Variants in NPSR1 observed in about 807,000 individuals in gnomAD.
NPSR1 encodes the protein neuropeptide S receptor.
In NPSR1, 48 loss-of-function variants were observed where a neutral mutation model predicts 46.9. The observed-to-expected ratio is 1.02, with a 90% CI of 0.81 to 1.30. NPSR1 has a LOEUF of 1.30. NPSR1 is among the 50% of genes most tolerant of loss of function. NPSR1 has a pLI of 0.00. For synonymous variants in NPSR1, 176 were observed against 168.1 expected (o/e 1.05, Z -0.36); for missense variants, 450 against 449.5 (o/e 1.00, Z -0.01).
intron 2 of NPSR1, among the ~76,000 whole-genome samples, chr7:34,723,130 T>C (rs1783950903): frequency 6.6e-6 from 1 of 152,276 alleles, no homozygotes; most frequent in East Asian, 1.9e-4. Context: ...CCCAAGATAA[T>C]GCTGCTCAGT....
At chr7:34,790,724 T>TTATATGTTCTATGTTATATATAA (rs1787714275) in intron 3 of NPSR1, among the ~76,000 whole-genome samples, 11 of 112,818 alleles carry the variant, frequency 9.8e-5, no homozygotes, top group South Asian at 2.6e-4. Flanking sequence ...ATAATATATG[T>TTATATGTTCTATGTTATATATAA]TATATGTTAT....
chr7:34,857,747 A>T (rs1386360789), intron 8 of NPSR1, among the ~76,000 whole-genome samples: 1 of 151,782 alleles, frequency 6.6e-6, no homozygotes, highest in African/African-American at 2.4e-5. Context: ...TATATTAAAA[A>T]TGTGAAAAGA....
At chr7:34,838,162 C>G (rs528546586) in intron 6 of NPSR1, among the ~76,000 whole-genome samples, 1 of 152,272 alleles carries the variant, frequency 6.6e-6, no homozygotes, top group Non-Finnish European at 1.5e-5. Context: ...CTTCCTGGCT[C>G]TCTCCAAAGT....
chr7:34,727,826 C>T (rs1784234786), intron 2 of NPSR1, among the ~76,000 whole-genome samples: 1 of 152,190 alleles, frequency 6.6e-6, no homozygotes, highest in African/African-American at 2.4e-5. Context: ...CTTTCTTCCA[C>T]TTCAACTTGA....
At chr7:34,684,452 T>G (rs1010044820) in intron 1 of NPSR1, 100 bp from the exon 2 acceptor site, 5 of 1,127,524 alleles carry the variant, frequency 4.4e-6, no homozygotes, top group African/African-American at 3.2e-5. Context: ...AAAGTAGGGA[T>G]ATGTGGCTAG....
intron 2 of NPSR1, among the ~76,000 whole-genome samples, chr7:34,752,671 G>A (rs1562703030): frequency 6.6e-6 from 1 of 152,144 alleles, no homozygotes; most frequent in Non-Finnish European, 1.5e-5. Flanking sequence ...GCCTGAATTA[G>A]GAATATTCTC....
rs1018152098 is a variant in NPSR1, at chr7:34,728,508, G to A, written c.280+43824G>A. Among the ~76,000 whole-genome samples, 46 of 152,316 alleles carry A rather than the reference G, an allele frequency of 3.0e-4. No homozygotes were observed. The highest frequency in any genetic ancestry group is 6.5e-4 in the Admixed American group (10 of 15,300). ...AGCTCCAGGTAGAGCAGACGCTCTT[G>A]CCTTAATCTTTAAAAATAACTGGAC... On this transcript the variant is annotated intron_variant, in intron 2 of 8. Transcript: ENST00000360581.
intron 2 of NPSR1, among the ~76,000 whole-genome samples, chr7:34,757,370 G>A (rs1003418554): frequency 2.0e-5 from 3 of 152,090 alleles, no homozygotes; most frequent in Non-Finnish European, 4.4e-5. Flanking sequence ...GTTTGGCTCA[G>A]GTACACTTAT....
chr7:34,827,858 T>G (rs1350216093), intron 5 of NPSR1, among the ~76,000 whole-genome samples: 1 of 152,206 alleles, frequency 6.6e-6, no homozygotes, highest in Admixed American at 6.5e-5. Flanking sequence ...ATTATCACAT[T>G]AGCCACAGTA....
chr7:34,854,949 C>A (rs1562774652), downstream of NPSR1, among the ~76,000 whole-genome samples: 1 of 151,832 alleles, frequency 6.6e-6, no homozygotes, highest in Non-Finnish European at 1.5e-5. Flanking sequence ...TTTTTCTGAT[C>A]ATGTTATAAT....
chr7:34,799,591 G>A (rs552832092), intron 3 of NPSR1, among the ~76,000 whole-genome samples: 10 of 149,832 alleles, frequency 6.7e-5, no homozygotes, highest in East Asian at 6.0e-4. Flanking sequence ...AGGAACAACC[G>A]GTACCAGCCA....
chr7:34,699,672 G>A (rs142197625), intron 2 of NPSR1, among the ~76,000 whole-genome samples: 5 of 152,236 alleles, frequency 3.3e-5, no homozygotes, highest in African/African-American at 1.2e-4. Flanking sequence ...CAAGTTATGT[G>A]CCGTCTCTTC....
At chr7:34,818,093 AAGC>A (rs1220800172) in intron 4 of NPSR1, among the ~76,000 whole-genome samples, 2 of 137,396 alleles carry the variant, frequency 1.5e-5, no homozygotes, top group African/African-American at 5.0e-5. Context: ...GGAAGCAATA[AAGC>A]GTATTCAATT....
chr7:34,755,095 T>C (rs1274704872), intron 2 of NPSR1, among the ~76,000 whole-genome samples: 1 of 152,276 alleles, frequency 6.6e-6, no homozygotes, highest in Non-Finnish European at 1.5e-5. Context: ...TAAACATTCA[T>C]GTACAACTTT....
intron 2 of NPSR1, among the ~76,000 whole-genome samples, chr7:34,774,572 G>T (rs324977): frequency 2.0e-5 from 3 of 152,068 alleles, no homozygotes; most frequent in Non-Finnish European, 2.9e-5. Context: ...TTCTAGGAAG[G>T]GTTTCTCAAA....
chr7:34,791,139 ATATAT>A (rs1275883031), intron 3 of NPSR1, among the ~76,000 whole-genome samples: 1 of 128,250 alleles, frequency 7.8e-6, no homozygotes, highest in East Asian at 2.2e-4. Context: ...GTTATATATT[ATATAT>A]AATATGTTAT....
At chr7:34,715,949 G>A (rs1419791) in intron 2 of NPSR1, among the ~76,000 whole-genome samples, 71,203 of 151,836 alleles carry the variant, frequency 0.47, 17,305 homozygotes, top group African/African-American at 0.59. Flanking sequence ...GAAGAAAGTC[G>A]AGGGAAGATA....
At chr7:34,713,788 C>T (rs143600966) in intron 2 of NPSR1, among the ~76,000 whole-genome samples, 27 of 152,298 alleles carry the variant, frequency 1.8e-4, no homozygotes, top group African/African-American at 6.5e-4. Flanking sequence ...TAGGCCCATC[C>T]CAGGCCTGTC....
intron 2 of NPSR1, among the ~76,000 whole-genome samples, chr7:34,696,591 G>A (rs113537800): frequency 0.01 from 1,552 of 151,970 alleles, 28 homozygotes; most frequent in African/African-American, 0.035. Context: ...TAAACTTAGC[G>A]GCAAATTAAA....
Sources: gnomAD v4.1 joint callset for allele counts (sites outside exome capture counted in the v4.1 genomes callset) on GRCh38, gnomAD v4.1.1 for gene constraint, MANE v1.5 for transcripts, NCBI Gene and HGNC (gene_info 2026-07-23, HGNC 2026-07-21) for gene names.